The following CACNG8 variants were observed in gnomAD, a reference collection of about 807,000 sequenced individuals.
The protein encoded by CACNG8 is voltage-dependent calcium channel gamma-8 subunit.
Under a neutral mutation model 26.9 loss-of-function variants are expected in CACNG8, and 5 were observed. That is an observed-to-expected ratio of 0.19 (90% CI 0.10 to 0.39). The LOEUF is 0.39. CACNG8 is among the 10% of genes least tolerant of loss of function. CACNG8 has a pLI of 1.00. For synonymous variants in CACNG8, 321 were observed against 296.7 expected, an observed-to-expected ratio of 1.08 and a Z score of -0.84; for missense variants, 473 against 609.4, an observed-to-expected ratio of 0.78 and a Z score of 2.36.
chr19:53,977,087 C>T (rs574634013), intron 1 of CACNG8, among the ~76,000 whole-genome samples: 36 of 152,306 alleles, frequency 2.4e-4, no homozygotes, highest in African/African-American at 8.2e-4. Flanking sequence ...CTCAGCTTAC[C>T]GAGGACGAAG....
At chr19:53,971,448 T>C (rs1033188007) in intron 1 of CACNG8, among the ~76,000 whole-genome samples, 1 of 152,204 alleles carries the variant, frequency 6.6e-6, no homozygotes, top group Non-Finnish European at 1.5e-5. Flanking sequence ...TCTCTCCCTT[T>C]TTCCCCATCC....
Position 53,982,984 on chromosome 19 carries a change from ACCCTCCCCGCCCCCCTCC to A in CACNG8, c.*142_*159del. 2.3e-6 allele frequency: 1 copy of A among 428,650 alleles called. No homozygotes were observed. The highest frequency in any genetic ancestry group is 3.4e-6 in the Non-Finnish European group (1 of 290,706). The allele number at this position is 428,650 out of a possible 1,614,324, so 26.6% of individuals were successfully genotyped here. The stretch of plus-strand genomic sequence containing the variant: ...AGACTGCTGGGCCCGCCCCACGCCC[ACCCTCCCCGCCCCCCTCC>A]CCCTCCGAAGCAGGGACCCCGAGGG... On this transcript the variant is annotated 3_prime_UTR_variant, in exon 4 of 4. Transcript: ENST00000270458. This position sits in a 1 kb window ranked among gnomAD's most constrained non-coding sequence, Gnocchi z 8.4.
chr19:53,978,402 G>T (rs1003187593), intron 2 of CACNG8, among the ~76,000 whole-genome samples, 173 bp downstream of exon 2: 1 of 152,154 alleles, frequency 6.6e-6, no homozygotes, highest in Non-Finnish European at 1.5e-5. Context: ...TCCCCGATTG[G>T]CTGACTGATC....
At chr19:53,971,268 G>C (rs967930876) in intron 1 of CACNG8, among the ~76,000 whole-genome samples, 4 of 149,174 alleles carry the variant, frequency 2.7e-5, no homozygotes, top group Admixed American at 1.3e-4. Context: ...CTCCAGCCTG[G>C]GCAACAGATT....
At chr19:53,980,809 T>A (rs2069362181) in intron 3 of CACNG8, among the ~76,000 whole-genome samples, 1 of 152,156 alleles carries the variant, frequency 6.6e-6, no homozygotes, top group African/African-American at 2.4e-5. Context: ...TAAGGCCCCC[T>A]TTCTACCCCG....
chr19:53,963,198 T>C lies in CACNG8; in HGVS notation c.56T>C (p.Val19Ala). ...CGGGGCCTCTGGTGCGAGAAGGGGG[T>C]GCAGGTGCTGCTGACGACGGTGGGC... The change falls in exon 1 of 4, where the codon GTG becomes GCG. Residue 19 changes from valine (V) to alanine (A), a missense_variant. By Grantham distance (64) the Val-to-Ala change is moderately conservative. This residue lies in a region of CACNG8 where 26 missense variants were observed against 23.8 expected (regional missense o/e 1.09). Coordinates refer to ENST00000270458, the MANE Select transcript of CACNG8 (RefSeq NM_031895.6). 1 of 1,596,980 alleles carries C rather than the reference T, an allele frequency of 6.3e-7. No individual in the cohort carries two copies. Among genetic ancestry groups the C allele is most frequent in the Non-Finnish European group, 8.5e-7 (1 of 1,173,458 alleles).
chr19:53,980,135 C>T, intron 3 of CACNG8, 128 bp downstream of exon 3: 1 of 1,074,870 alleles, frequency 9.3e-7, no homozygotes, highest in Non-Finnish European at 1.3e-6. Context: ...TGCAAAGCCA[C>T]CTTGCCCCGA....
chr19:53,977,036 C>T (rs1450809805), intron 1 of CACNG8, among the ~76,000 whole-genome samples: 1 of 152,224 alleles, frequency 6.6e-6, no homozygotes, highest in Non-Finnish European at 1.5e-5. Flanking sequence ...CTGGGACACA[C>T]AGAGGAATCG....
intron 1 of CACNG8, among the ~76,000 whole-genome samples, chr19:53,964,272 T>C (rs537890418): frequency 1.4e-5 from 2 of 147,106 alleles, no homozygotes; most frequent in South Asian, 4.6e-4. Flanking sequence ...AGTCTTCCGG[T>C]CTGTCTCTTT....
In CACNG8 at chr19:53,982,798, G is replaced by C. The variant is rs902457931; in HGVS notation, c.1227G>C (p.Glu409Asp). The C allele has an allele frequency of 1.5e-5, 20 of 1,370,152 alleles. No homozygotes were observed. In the African/African-American group the frequency reaches 2.3e-4, roughly 16 times the overall value. 84.9% of individuals were successfully genotyped at this position (1,370,152 alleles called of 1,614,324 possible). A position where few individuals can be genotyped will look rare whatever the true frequency, so the allele number is the denominator to read the frequency against. ...CCGCCCCCGGGACCCTGGCCAAGGA[G>C]GCCGCCGCCTCCAACACCAACACGC... The change falls in exon 4 of 4, where the codon GAG becomes GAC. Residue 409 changes from glutamate to aspartate, a missense_variant. This residue lies in a region of CACNG8 where 212 missense variants were observed against 214.4 expected (regional missense o/e 0.99). Transcript: ENST00000270458. The surrounding 1 kb of genome is among the most constrained non-coding windows in gnomAD (Gnocchi z 8.4).
chr19:53,969,925 A>G (rs2069292418), intron 1 of CACNG8, among the ~76,000 whole-genome samples: 1 of 151,874 alleles, frequency 6.6e-6, no homozygotes, highest in South Asian at 2.1e-4. Flanking sequence ...TGAGGCCAGG[A>G]GTTCGAGACC....
In CACNG8 at chr19:53,963,321, G is replaced by T; in HGVS notation, c.179G>T (p.Gly60Val). ...TGCAACACCACCAACCTCACGGCCG[G>T]CGGCGACGACGGGACCCCCCACCGC... The change falls in exon 1 of 4, where the codon GGC becomes GTC. Residue 60 changes from glycine to valine, a missense_variant. Gly to Val is a moderately radical substitution (Grantham distance 109, BLOSUM62 -3). Around this residue, in one of 6 missense-constraint regions of CACNG8, gnomAD observed 69 missense variants for 66.7 expected, o/e 1.03. Coordinates refer to ENST00000270458, the MANE Select transcript of CACNG8 (RefSeq NM_031895.6). 6.2e-7 allele frequency: 1 copy of T among 1,603,514 alleles called. No individual in the cohort carries two copies.
chr19:53,964,563 T>C (rs2069261822), intron 1 of CACNG8, among the ~76,000 whole-genome samples: 1 of 152,106 alleles, frequency 6.6e-6, no homozygotes, highest in South Asian at 2.1e-4. Flanking sequence ...GGCTTCTCGC[T>C]CCTGCCCCTG....
In CACNG8 at chr19:53,984,848, G is replaced by A. The variant is rs1347025967; in HGVS notation, c.*1999G>A. ...CACACCTGTGGACACAGCTACTCAG[G>A]AGGCTGAGGGAGGAGGACCATTTGA... On this transcript the variant is annotated 3_prime_UTR_variant, in exon 4 of 4. Coordinates refer to ENST00000270458, the MANE Select transcript of CACNG8 (RefSeq NM_031895.6). 1 of 152,204 alleles carries A rather than the reference G, an allele frequency of 6.6e-6. No homozygotes were observed. Among genetic ancestry groups the A allele is most frequent in the African/African-American group, 2.4e-5 (1 of 41,420 alleles). 9.4% of individuals were successfully genotyped at this position (152,204 alleles called of 1,614,324 possible). A position where few individuals can be genotyped will look rare whatever the true frequency, so the allele number is the denominator to read the frequency against.
intron 1 of CACNG8, among the ~76,000 whole-genome samples, chr19:53,977,071 G>A (rs989233555): frequency 6.6e-6 from 1 of 152,184 alleles, no homozygotes; most frequent in African/African-American, 2.4e-5. Context: ...ACCCCCTCCA[G>A]GAACTCTCAG....
rs768391416 is a variant in CACNG8, at chr19:53,983,672, C to G, written c.*823C>G. On this transcript the variant is annotated 3_prime_UTR_variant, in exon 4 of 4. Transcript: ENST00000270458. Reference sequence around the variant, plus strand: ...AGGAGAAACGAGATGCTATGAAATGCTCCATCAGGGGAGCCTAACCCAGTT... The same window carrying G: ...AGGAGAAACGAGATGCTATGAAATGGTCCATCAGGGGAGCCTAACCCAGTT... 3 of 152,330 alleles carry G rather than the reference C, an allele frequency of 2.0e-5. No homozygotes were observed. 9.4% of individuals were successfully genotyped at this position (152,330 alleles called of 1,614,324 possible). A position where few individuals can be genotyped will look rare whatever the true frequency, so the allele number is the denominator to read the frequency against.
Position 53,979,814 on chromosome 19 carries a change from C to A in CACNG8, c.368-53C>A. The A allele has an allele frequency of 1.3e-6, 2 of 1,511,296 alleles. 1 individual carries two copies. The highest frequency in any genetic ancestry group is 2.6e-5 in the South Asian group (2 of 76,664). 93.6% of individuals were successfully genotyped at this position (1,511,296 alleles called of 1,614,324 possible). The stretch of plus-strand genomic sequence containing the variant: ...GGGCCGGGAAGGGGGCGCAGGCGGC[C>A]GCGTCTGACCGCCCTCGCTCTCCCT... On this transcript the variant is annotated intron_variant, in intron 2 of 3. Transcript: ENST00000270458.
intron 1 of CACNG8, among the ~76,000 whole-genome samples, chr19:53,969,601 A>C (rs28728371): frequency 0.34 from 52,159 of 151,686 alleles, 9,182 homozygotes; most frequent in East Asian, 0.49. Flanking sequence ...GTTTTCTAGG[A>C]GAATGAAGCA....
intron 2 of CACNG8, 123 bp from the exon 3 acceptor site, chr19:53,979,744 G>A (rs938673879): frequency 1.2e-5 from 12 of 1,000,692 alleles, no homozygotes; most frequent in South Asian, 3.7e-5. Context: ...GAACACAGCC[G>A]GAGAGAGAGA....
Sources: allele counts gnomAD v4.1 joint callset (sites outside exome capture counted in the v4.1 genomes callset), GRCh38; gene constraint gnomAD v4.1.1; regional missense constraint gnomAD v4.1.1; non-coding constraint Gnocchi (gnomAD v3.1); transcripts MANE v1.5; gene names NCBI Gene and HGNC (gene_info 2026-07-23, HGNC 2026-07-21).